Variants in GALNT14 observed in about 807,000 individuals in gnomAD.
The protein encoded by GALNT14 is UDP-GalNAc:polypeptide N-acetylgalactosaminyltransferase 14.
GALNT14 carries 60 observed loss-of-function variants against 77.5 expected under a neutral mutation model. The ratio of observed to expected loss-of-function variants is 0.77; its 90% CI spans 0.63 to 0.96. GALNT14 has a LOEUF of 0.96. Ranked by LOEUF, GALNT14 falls within the 40% of genes least tolerant of loss-of-function variation. GALNT14 has a pLI of 0.00. For missense variants in GALNT14, 710 were observed against 731.0 expected (o/e 0.97, Z 0.33); for synonymous variants, 280 against 281.7 (o/e 0.99, Z 0.06).
Position 31,138,267 on chromosome 2 carries a change from C to T in GALNT14, c.-181G>A. 1 of 734,720 alleles carries T rather than the reference C, an allele frequency of 1.4e-6. No individual in the cohort carries two copies. Among genetic ancestry groups the T allele is most frequent in the South Asian group, 1.9e-5 (1 of 53,598 alleles). 45.5% of individuals were successfully genotyped at this position (734,720 alleles called of 1,614,324 possible). On this transcript the variant is annotated 5_prime_UTR_variant, in exon 1 of 15. Coordinates refer to ENST00000349752, the MANE Select transcript of GALNT14 (RefSeq NM_024572.4). ...CTTCCCGCTTCGAAGAGAAGCGAGC[C>T]TGGGTGGGGGGTGCAGGGCGACCCG...
chr2:30,932,800 C>T (rs1665820816), intron 9 of GALNT14, among the ~76,000 whole-genome samples: 1 of 152,192 alleles, frequency 6.6e-6, no homozygotes, highest in Non-Finnish European at 1.5e-5. Flanking sequence ...GCAATTCTAC[C>T]ACTGGGGAAG....
intron 13 of GALNT14, among the ~76,000 whole-genome samples, chr2:30,917,892 G>A (rs1286807695): frequency 3.2e-4 from 48 of 152,238 alleles, no homozygotes; most frequent in Admixed American, 3.1e-3. Flanking sequence ...TAGCCTTGAA[G>A]CTCTCCCTTC....
intron 1 of GALNT14, among the ~76,000 whole-genome samples, chr2:31,054,522 C>G (rs1011070090): frequency 6.6e-6 from 1 of 152,156 alleles, no homozygotes; most frequent in South Asian, 2.1e-4. Flanking sequence ...CATATTCAAC[C>G]CCAGAACCCA....
intron 2 of GALNT14, among the ~76,000 whole-genome samples, chr2:30,968,689 G>T (rs1012578007): frequency 4.6e-5 from 7 of 152,230 alleles, no homozygotes; most frequent in African/African-American, 1.7e-4. Context: ...CTCCAAGCCA[G>T]AACCACCCAG....
At position 31,003,751 on chromosome 2, in the gene GALNT14, ATAAT is replaced by A. The variant is rs1269069784; in HGVS notation, c.130-10748_130-10745del. On this transcript the variant is annotated intron_variant, in intron 1 of 14. Transcript: ENST00000349752. ...TGCCTAAAAATTCCAACAGTGAAAC[ATAAT>A]ATGATTAACTGAATGGACAGAAGCC... Among the ~76,000 whole-genome samples the A allele has an allele frequency of 1.4e-4, 21 of 152,380 alleles. No individual in the cohort carries two copies. The East Asian group carries it at 4.0e-3, about 29-fold the overall frequency.
chr2:31,079,619 C>T (rs1386887597), intron 1 of GALNT14, among the ~76,000 whole-genome samples: 3 of 152,146 alleles, frequency 2.0e-5, no homozygotes, highest in African/African-American at 7.2e-5. Flanking sequence ...TGTAAGTTGC[C>T]CTCCTGCTAA....
intron 1 of GALNT14, among the ~76,000 whole-genome samples, chr2:31,027,908 G>A (rs1242546470): frequency 6.6e-6 from 1 of 151,962 alleles, no homozygotes; most frequent in Admixed American, 6.5e-5. Flanking sequence ...GTGTGTGTGT[G>A]TGTGTGTGTG....
At chr2:30,989,826 G>A (rs758444373) in intron 2 of GALNT14, among the ~76,000 whole-genome samples, 2 of 150,888 alleles carry the variant, frequency 1.3e-5, no homozygotes, top group African/African-American at 2.4e-5. Flanking sequence ...GAGAAGCTAG[G>A]CAACTTTAAG....
chr2:30,909,925 T>C (rs929633097), downstream of GALNT14, among the ~76,000 whole-genome samples: 5 of 151,460 alleles, frequency 3.3e-5, no homozygotes, highest in East Asian at 2.0e-4. Context: ...ATGGATGAAA[T>C]TGGAAAACAT....
the GALNT14 span, among the ~76,000 whole-genome samples, chr2:30,905,360 G>T: frequency 6.6e-6 from 1 of 151,496 alleles, no homozygotes; most frequent in Non-Finnish European, 1.5e-5. Flanking sequence ...ACAGAGAAGT[G>T]CTTAAAGGAG....
chr2:30,952,502 T>C (rs944097010), intron 6 of GALNT14, among the ~76,000 whole-genome samples: 4 of 149,584 alleles, frequency 2.7e-5, no homozygotes, highest in African/African-American at 4.9e-5. Context: ...CAGTAAACTA[T>C]TGCAAGAACA....
At chr2:31,106,438 A>G (rs1677565911) in intron 1 of GALNT14, among the ~76,000 whole-genome samples, 1 of 151,812 alleles carries the variant, frequency 6.6e-6, no homozygotes, top group Non-Finnish European at 1.5e-5. Context: ...TTCACCTTTC[A>G]TCTATGTTCC....
Position 31,087,618 on chromosome 2 carries a change from A to G in GALNT14, c.129+50340T>C, listed in dbSNP as rs967105540. 3.4e-5 allele frequency among the ~76,000 whole-genome samples: 5 copies of G among 148,060 alleles called. No individual in the cohort carries two copies. In the Admixed American group the frequency reaches 3.4e-4, roughly 10 times the overall value. On this transcript the variant is annotated intron_variant, in intron 1 of 14. Coordinates refer to ENST00000349752, the MANE Select transcript of GALNT14 (RefSeq NM_024572.4). ...GAGGCTGGGAGAAGCCAGAGAAGAA[A>G]GAGGAAAACCAGGACCTGGTGAAGT...
At chr2:31,014,769 C>T (rs1226291447) in intron 1 of GALNT14, among the ~76,000 whole-genome samples, 1 of 152,126 alleles carries the variant, frequency 6.6e-6, no homozygotes, top group Non-Finnish European at 1.5e-5. Flanking sequence ...CTAAAGCACC[C>T]CTGCGTTTAC....
downstream of GALNT14, among the ~76,000 whole-genome samples, chr2:30,909,741 C>T (rs1244576623): frequency 6.6e-6 from 1 of 151,904 alleles, no homozygotes; most frequent in African/African-American, 2.4e-5. Flanking sequence ...AATCATGCTG[C>T]TATAAAGACA....
At position 30,912,261 on chromosome 2, in the gene GALNT14, C is replaced by G. The variant is rs1159120153; in HGVS notation, c.1462G>C (p.Val488Leu). ...CCATTCTTGCAAAGGACAAGAACCA[C>G]TGGGGCGCCAGGGAACAAGGTGATG... ...SVITLFPGAP[V>L]VLVLCKNGDD... The change falls in exon 14 of 15, where the codon GTG becomes CTG. Residue 488 changes from valine to leucine, a missense_variant. Coordinates refer to ENST00000349752, the MANE Select transcript of GALNT14 (RefSeq NM_024572.4). The G allele has an allele frequency of 1.2e-6, 2 of 1,614,192 alleles. No homozygotes were observed. Among genetic ancestry groups the G allele is most frequent in the East Asian group, 4.5e-5 (2 of 44,884 alleles).
chr2:31,138,334 C>G lies in GALNT14; in HGVS notation c.-248G>C. On this transcript the variant is annotated 5_prime_UTR_variant, in exon 1 of 15. Transcript: ENST00000349752. ...GACCGAGGGCAGCCAAGCTGGACGC[C>G]CGCTCCAGCGGGAGAAGCGCGGTGG... 1 of 472,728 alleles carries G rather than the reference C, an allele frequency of 2.1e-6. No homozygotes were observed. Among genetic ancestry groups the G allele is most frequent in the South Asian group, 2.9e-5 (1 of 33,950 alleles). 29.3% of individuals were successfully genotyped at this position (472,728 alleles called of 1,614,324 possible). A position where few individuals can be genotyped will look rare whatever the true frequency, so the allele number is the denominator to read the frequency against.
chr2:31,121,899 C>T (rs1362146647), intron 1 of GALNT14, among the ~76,000 whole-genome samples: 1 of 152,154 alleles, frequency 6.6e-6, no homozygotes, highest in East Asian at 1.9e-4. Flanking sequence ...TAACCAAGAT[C>T]CAAATGCTTC....
chr2:30,933,104 A>G (rs1665839309), intron 9 of GALNT14, among the ~76,000 whole-genome samples: 1 of 152,102 alleles, frequency 6.6e-6, no homozygotes, highest in African/African-American at 2.4e-5. Context: ...GTGGGGAGGG[A>G]GGGAATTTTA....
Sources: allele counts gnomAD v4.1 joint callset (sites outside exome capture counted in the v4.1 genomes callset), GRCh38; gene constraint gnomAD v4.1.1; transcripts MANE v1.5; gene names NCBI Gene and HGNC (gene_info 2026-07-23, HGNC 2026-07-21).